KIRREL3: variants seen among roughly 807,000 people sequenced by gnomAD.
The protein encoded by KIRREL3 is kin of IRRE-like protein 3.
In KIRREL3, 36 loss-of-function variants were observed where a neutral mutation model predicts 89.7. That is an observed-to-expected ratio of 0.40 (90% CI 0.31 to 0.53). The LOEUF (loss-of-function observed/expected upper bound fraction) is 0.53. Ranked by LOEUF, KIRREL3 falls within the 20% of genes least tolerant of loss-of-function variation. The probability of loss-of-function intolerance (pLI) is 0.49; values close to 1 mark genes in which losing one functional copy is unlikely to be tolerated. For synonymous variants in KIRREL3, 445 were observed against 441.4 expected, an observed-to-expected ratio of 1.01 and a Z score of -0.10; for missense variants, 864 against 1,056.6, an observed-to-expected ratio of 0.82 and a Z score of 2.53.
At chr11:126,663,571 A>G (rs1013184399) in intron 1 of KIRREL3, among the ~76,000 whole-genome samples, 2 of 152,178 alleles carry the variant, frequency 1.3e-5, no homozygotes, top group African/African-American at 4.8e-5. Context: ...TCCACTTGTC[A>G]TAATTAAAAC....
chr11:126,579,558 C>T lies in KIRREL3; in HGVS notation c.56-16646G>A, dbSNP rs946283834. Among the ~76,000 whole-genome samples the T allele has an allele frequency of 6.6e-6, 1 of 152,106 alleles. No homozygotes were observed. The highest frequency in any genetic ancestry group is 2.1e-4 in the South Asian group (1 of 4,812). ...GCAAGAAGCCAGTGGAAGAGGAGAA[C>T]TGGGGAGACAGAGAGTGAGAAAAGG... is the stretch of plus-strand genomic sequence containing the variant. On this transcript the variant is annotated intron_variant, in intron 1 of 16. Coordinates refer to ENST00000525144, the MANE Select transcript of KIRREL3 (RefSeq NM_032531.4). This position sits in a 1 kb window ranked among gnomAD's most constrained non-coding sequence, Gnocchi z 5.3.
intron 1 of KIRREL3, among the ~76,000 whole-genome samples, chr11:126,633,566 T>C (rs1214477608): frequency 6.6e-6 from 1 of 152,110 alleles, no homozygotes; most frequent in Non-Finnish European, 1.5e-5. Context: ...TCTTGCTCTG[T>C]GATCTGCACA....
chr11:126,869,715 A>G (rs532572083), intron 1 of KIRREL3, among the ~76,000 whole-genome samples: 15 of 152,178 alleles, frequency 9.9e-5, no homozygotes, highest in African/African-American at 3.6e-4. Flanking sequence ...CCCACTCCCA[A>G]CTAGGATTGT....
intron 1 of KIRREL3, among the ~76,000 whole-genome samples, chr11:126,659,679 A>G (rs1945306456): frequency 6.6e-6 from 1 of 152,268 alleles, no homozygotes; most frequent in African/African-American, 2.4e-5. Context: ...TCAGAAGCAG[A>G]GTCAGAATGG....
intron 1 of KIRREL3, among the ~76,000 whole-genome samples, chr11:126,693,768 C>T (rs143488959): frequency 6.6e-6 from 1 of 152,238 alleles, no homozygotes; most frequent in Non-Finnish European, 1.5e-5. Flanking sequence ...AAAGTCGCAT[C>T]TGGTAGCAGA....
At chr11:126,957,047 C>T (rs986700489) in intron 1 of KIRREL3, among the ~76,000 whole-genome samples, 3 of 152,222 alleles carry the variant, frequency 2.0e-5, no homozygotes, top group Admixed American at 2.0e-4. Flanking sequence ...AGACACATGT[C>T]CTGCTTCTAT....
At chr11:126,926,707 C>T (rs1947731909) in intron 1 of KIRREL3, among the ~76,000 whole-genome samples, 1 of 152,186 alleles carries the variant, frequency 6.6e-6, no homozygotes, top group South Asian at 2.1e-4. Context: ...CCCCCCTGCT[C>T]TGTGGTTGGG....
rs569451591 is a variant in KIRREL3 at position 126,432,631 on chromosome 11, C to T, written c.1589-1105G>A. On this transcript the variant is annotated intron_variant, in intron 13 of 16. Coordinates refer to ENST00000525144, the MANE Select transcript of KIRREL3 (RefSeq NM_032531.4). The surrounding 1 kb of genome is among the most constrained non-coding windows in gnomAD (Gnocchi z 6.2). The stretch of plus-strand genomic sequence containing the variant: ...CACCCACAGAGTGACATGTGAGATC[C>T]CCCACATCTCATGTGCTCGGTACCG... 3.3e-5 allele frequency among the ~76,000 whole-genome samples: 5 copies of T among 152,106 alleles called. No individual in the cohort carries two copies. Among genetic ancestry groups the T allele is most frequent in the Non-Finnish European group, 7.4e-5 (5 of 68,024 alleles).
At chr11:126,743,756 T>C (rs922568601) in intron 1 of KIRREL3, among the ~76,000 whole-genome samples, 1 of 152,202 alleles carries the variant, frequency 6.6e-6, no homozygotes, top group African/African-American at 2.4e-5. Flanking sequence ...GGTTGATTAT[T>C]ACATGAGATA....
chr11:126,836,471 G>A (rs1442586744), intron 1 of KIRREL3, among the ~76,000 whole-genome samples: 1 of 56,768 alleles, frequency 1.8e-5, no homozygotes, highest in East Asian at 1.2e-3. Flanking sequence ...GATGAACAGA[G>A]TGCCTGAACT....
At position 126,587,181 on chromosome 11, in the gene KIRREL3, T is replaced by C. The variant is rs1941904900; in HGVS notation, c.56-24269A>G. The stretch of plus-strand genomic sequence containing the variant: ...CAGACATGGCAGTTCTTGGAAAATG[T>C]CCACTGGGGACATGACATCCAAGCT... On this transcript the variant is annotated intron_variant, in intron 1 of 16. Coordinates refer to ENST00000525144, the MANE Select transcript of KIRREL3 (RefSeq NM_032531.4). The surrounding 1 kb of genome is among the most constrained non-coding windows in gnomAD (Gnocchi z 5.2). 2.6e-5 allele frequency among the ~76,000 whole-genome samples: 4 copies of C among 151,994 alleles called. No homozygotes were observed. Among genetic ancestry groups the C allele is most frequent in the Admixed American group, 2.6e-4 (4 of 15,254 alleles).
rs1005386304 is a variant in KIRREL3 at position 126,696,127 on chromosome 11, C to T, written c.56-133215G>A. ...AAAAAATTAGCCTGACATGGTGACA[C>T]GTGCCTGTAGTCCCAGCTACTTGGG... On this transcript the variant is annotated intron_variant, in intron 1 of 16. Coordinates refer to ENST00000525144, the MANE Select transcript of KIRREL3 (RefSeq NM_032531.4). This position sits in a 1 kb window ranked among gnomAD's most constrained non-coding sequence, Gnocchi z 4.4. Among the ~76,000 whole-genome samples, 13 of 151,846 alleles carry T rather than the reference C, an allele frequency of 8.6e-5. No individual in the cohort carries two copies. In the East Asian group the frequency reaches 1.9e-3, roughly 23 times the overall value.
At chr11:126,920,302 A>G (rs1947218323) in intron 1 of KIRREL3, 1 of 152,440 alleles carries the variant, frequency 6.6e-6, no homozygotes, top group Non-Finnish European at 1.5e-5. Context: ...GCATCTTTAG[A>G]TCCCAAGAAA....
At chr11:126,559,055 T>C (rs892526103) in intron 2 of KIRREL3, among the ~76,000 whole-genome samples, 48 of 152,002 alleles carry the variant, frequency 3.2e-4, no homozygotes, top group African/African-American at 9.9e-4. Flanking sequence ...GGAGAGCTGG[T>C]ACAGAAAGAA....
rs1432800408 is a variant in KIRREL3 at position 126,601,070 on chromosome 11, T to C, written c.56-38158A>G. 6.6e-6 allele frequency among the ~76,000 whole-genome samples: 1 copy of C among 151,438 alleles called. No individual in the cohort carries two copies. The highest frequency in any genetic ancestry group is 1.5e-5 in the Non-Finnish European group (1 of 67,882). ...CAGAAGCGAAATTTAAAACCCTTTG[T>C]CCCCCGTCCTCCCAGCCCCCCGATG... On this transcript the variant is annotated intron_variant, in intron 1 of 16. Transcript: ENST00000525144. This position sits in a 1 kb window ranked among gnomAD's most constrained non-coding sequence, Gnocchi z 5.8.
chr11:126,706,116 T>C (rs1477913525), intron 1 of KIRREL3, among the ~76,000 whole-genome samples: 2 of 152,174 alleles, frequency 1.3e-5, no homozygotes, highest in Non-Finnish European at 2.9e-5. Flanking sequence ...CCGATGTCAC[T>C]ATACGGAGCA....
chr11:126,942,776 C>T (rs1948496328), intron 1 of KIRREL3, among the ~76,000 whole-genome samples: 1 of 152,220 alleles, frequency 6.6e-6, no homozygotes, highest in Non-Finnish European at 1.5e-5. Flanking sequence ...CCTTGAGGCG[C>T]TCCCTTGAGC....
At chr11:126,650,511 A>C (rs922981875) in intron 1 of KIRREL3, among the ~76,000 whole-genome samples, 2 of 152,108 alleles carry the variant, frequency 1.3e-5, no homozygotes, top group African/African-American at 4.8e-5. Flanking sequence ...AAGTTCCACA[A>C]ATCTCTAGGG....
chr11:126,449,702 C>T (rs561675283), intron 7 of KIRREL3, among the ~76,000 whole-genome samples: 144 of 152,234 alleles, frequency 9.5e-4, no homozygotes, highest in Non-Finnish European at 1.5e-3. Context: ...CATCTCCCGT[C>T]CAAACAGTGG....
Sources: allele counts gnomAD v4.1 joint callset (sites outside exome capture counted in the v4.1 genomes callset), GRCh38; gene constraint gnomAD v4.1.1; non-coding constraint Gnocchi (gnomAD v3.1); transcripts MANE v1.5; gene names NCBI Gene and HGNC (gene_info 2026-07-23, HGNC 2026-07-21).